BPIFC: variants seen among roughly 807,000 people sequenced by gnomAD.
BPIFC encodes the protein BPI fold containing family C.
BPIFC carries 60 observed loss-of-function variants against 57.6 expected under a neutral mutation model. The ratio of observed to expected loss-of-function variants is 1.04; its 90% CI spans 0.85 to 1.29. BPIFC has a LOEUF of 1.29. BPIFC is among the 50% of genes most tolerant of loss of function. The pLI is 0.00. For synonymous variants in BPIFC, 243 were observed against 224.5 expected (o/e 1.08, Z -0.74); for missense variants, 581 against 600.5 (o/e 0.97, Z 0.34).
chr22:32,424,522 T>C, intron 13 of BPIFC, among the ~76,000 whole-genome samples: 1 of 148,354 alleles, frequency 6.7e-6, no homozygotes, highest in Non-Finnish European at 1.5e-5. Context: ...GGTTTCCTCT[T>C]CCAGGCAAGG....
chr22:32,441,799 G>A (rs927709666), intron 8 of BPIFC, among the ~76,000 whole-genome samples: 1 of 152,152 alleles, frequency 6.6e-6, no homozygotes, highest in African/African-American at 2.4e-5. Context: ...TAGCACCAGG[G>A]ACCAGTTTAA....
intron 1 of BPIFC, among the ~76,000 whole-genome samples, chr22:32,462,558 C>G (rs1935189467): frequency 6.6e-6 from 1 of 151,796 alleles, no homozygotes; most frequent in Admixed American, 6.6e-5. Context: ...ATTTCTTTAC[C>G]CTTTACAAAA....
chr22:32,452,045 T>C (rs989310975), intron 4 of BPIFC, among the ~76,000 whole-genome samples: 18 of 152,036 alleles, frequency 1.2e-4, no homozygotes, highest in Admixed American at 7.2e-4. Context: ...GGACTACAGG[T>C]GTGCACCATC....
At chr22:32,424,729 CTCTTCTTCT>C (rs1369975739) in intron 13 of BPIFC, among the ~76,000 whole-genome samples, 36 of 48,222 alleles carry the variant, frequency 7.5e-4, no homozygotes, top group Non-Finnish European at 9.1e-4. Context: ...CTTCTTCTTC[CTCTTCTTCT>C]TCCTCTTCTT....
Position 32,447,338 on chromosome 22 carries a change from A to G in BPIFC, c.248T>C (p.Ile83Thr), listed in dbSNP as rs1267429432. ...TGGAAATGAAAAGGCACTGATTTTT[A>G]TACTGTAAAACCAGAAACAAGAAGT... ...VDYVNYNFSN[I>T]KISAFSFPNT... is the part of the protein sequence containing the mutation. Residue 83 changes from isoleucine (I) to threonine (T), a missense_variant and splice_region_variant, in exon 5 of 17, where the codon ATA becomes ACA. Ile to Thr is a moderately conservative substitution (Grantham distance 89, BLOSUM62 -1). Transcript: ENST00000300399. 6.2e-7 allele frequency: 1 copy of G among 1,612,262 alleles called. No homozygotes were observed.
rs140702095 is a variant in BPIFC, at chr22:32,458,588, G to C, written c.1-1202C>G. Among the ~76,000 whole-genome samples the C allele has an allele frequency of 3.8e-3, 575 of 152,304 alleles. 2 individuals are homozygous for C. Among genetic ancestry groups the C allele is most frequent in the African/African-American group, 0.013 (544 of 41,574 alleles). On this transcript the variant is annotated intron_variant, in intron 2 of 16. Transcript: ENST00000300399. Reference sequence around the variant, plus strand: ...CTTCATCACTTCAGCACCTTGAATAGTGACTGGCACACAGCAGGCATTAGG... The same window carrying C: ...CTTCATCACTTCAGCACCTTGAATACTGACTGGCACACAGCAGGCATTAGG...
rs61507713 is a variant in BPIFC, at chr22:32,445,713, GAAAAAAAAA to G, written c.531-24_531-16del. 1.5e-5 allele frequency: 11 copies of G among 711,300 alleles called. No individual in the cohort carries two copies. The highest frequency in any genetic ancestry group is 5.1e-5 in the Admixed American group (1 of 19,652). The allele number at this position is 711,300 out of a possible 1,614,324, so 44.1% of individuals were successfully genotyped here. ...TATACAGAACACTGAGGAAAAAAAT[GAAAAAAAAA>G]AAAAAAAAAAAAAGAGGTTACTCAG... On this transcript the variant is annotated splice_polypyrimidine_tract_variant and intron_variant, in intron 6 of 16. Coordinates refer to ENST00000300399, the MANE Select transcript of BPIFC (RefSeq NM_174932.3).
chr22:32,446,935 C>T (rs566150843), intron 5 of BPIFC: 115 of 498,198 alleles, frequency 2.3e-4, no homozygotes, highest in Non-Finnish European at 2.7e-4. Context: ...GTTGAGCATG[C>T]ATCTGTTTCT....
At chr22:32,431,657 T>G (rs1209879412) in intron 12 of BPIFC, among the ~76,000 whole-genome samples, 1 of 152,082 alleles carries the variant, frequency 6.6e-6, no homozygotes. Flanking sequence ...TAATCGCTCT[T>G]CTTTATGTAT....
intron 2 of BPIFC, among the ~76,000 whole-genome samples, chr22:32,458,304 C>T (rs1227420023): frequency 6.6e-6 from 1 of 152,180 alleles, no homozygotes; most frequent in Non-Finnish European, 1.5e-5. Context: ...TTTGTATTTG[C>T]TGTTTCCTCT....
rs1290948843 is a variant in BPIFC, at chr22:32,432,516, G to GC, written c.1005dup (p.Pro336AlafsTer41). 4 of 1,614,128 alleles carry GC rather than the reference G, an allele frequency of 2.5e-6. No individual in the cohort carries two copies. The highest frequency in any genetic ancestry group is 3.4e-6 in the Non-Finnish European group (4 of 1,180,020). On this transcript the variant is annotated frameshift_variant, in exon 12 of 17. Transcript: ENST00000300399. LOFTEE classifies it high-confidence loss of function. ...GTGGCCATGATCCTCACCATGAAGG[G>GC]CTGGGACAAGATGTAGATCTCTGCA...
At position 32,456,837 on chromosome 22, in the gene BPIFC, T is replaced by A. The variant is rs34088079; in HGVS notation, c.124+426A>T. On this transcript the variant is annotated intron_variant, in intron 3 of 16. Transcript: ENST00000300399. ...CACATCCAATAAATATGAAGGAGCC[T>A]CTCCTCAGAAAAATGCAGTCACCCA... Among the ~76,000 whole-genome samples the A allele has an allele frequency of 1.6e-3, 239 of 152,194 alleles. 2 individuals carry two copies. Among genetic ancestry groups the A allele is most frequent in the African/African-American group, 5.5e-3 (227 of 41,538 alleles).
chr22:32,415,814 A>T, intron 16 of BPIFC, 101 bp downstream of exon 16: 1 of 773,898 alleles, frequency 1.3e-6, no homozygotes, highest in Non-Finnish European at 1.9e-6. Context: ...GCAAAGCAGG[A>T]CAAAAACAAA....
chr22:32,448,584 A>T (rs1043685845), intron 4 of BPIFC, among the ~76,000 whole-genome samples: 47 of 152,160 alleles, frequency 3.1e-4, no homozygotes, highest in Non-Finnish European at 1.2e-4. Flanking sequence ...TCAAAAGGGT[A>T]ACTAGGAGGC....
In BPIFC at chr22:32,432,465, G is replaced by C. The variant is rs778814237; in HGVS notation, c.1057C>G (p.Pro353Ala). ...GGGATGTCCAGGGTGAAATTGCCTGGTTGTAGATTGATTATGGGAGGCTCT... is the reference window on the plus strand; with the variant it reads ...GGGATGTCCAGGGTGAAATTGCCTGCTTGTAGATTGATTATGGGAGGCTCT... The part of the protein sequence containing the change: ...ATEPPIINLQ[P>A]GNFTLDIPAS... The change falls in exon 12 of 17, where the codon CCA becomes GCA. Residue 353 changes from proline (P) to alanine (A), a missense_variant. Coordinates refer to ENST00000300399, the MANE Select transcript of BPIFC (RefSeq NM_174932.3). 4 of 1,614,066 alleles carry C rather than the reference G, an allele frequency of 2.5e-6. No homozygotes were observed. The South Asian group carries it at 4.4e-5, about 18-fold the overall frequency.
rs1332865163 is a variant in BPIFC, at chr22:32,442,723, G to C, written c.603C>G (p.Pro201=). Residue 201 remains proline (P), a synonymous_variant, in exon 8 of 17, where the codon CCC becomes CCG. Transcript: ENST00000300399. Reference sequence around the variant, plus strand: ...GCGCTTTGACTTCACTTGCAATAATGGGACAGAGCTGGCCACAAAGGAATA... The same window carrying C: ...GCGCTTTGACTTCACTTGCAATAATCGGACAGAGCTGGCCACAAAGGAATA... ...ILKNLNEMLC[P]IIASEVKALN... 6.2e-7 allele frequency: 1 copy of C among 1,613,728 alleles called. No homozygotes were observed. The highest frequency in any genetic ancestry group is 8.5e-7 in the Non-Finnish European group (1 of 1,179,894).
chr22:32,432,425 A>G lies in BPIFC; in HGVS notation c.1097T>C (p.Met366Thr), dbSNP rs144222119. Residue 366 changes from methionine to threonine, a missense_variant, in exon 12 of 17, where the codon ATG (methionine) becomes ACG (threonine). By Grantham distance (81) the Met-to-Thr change is moderately conservative. Coordinates refer to ENST00000300399, the MANE Select transcript of BPIFC (RefSeq NM_174932.3). Reference sequence around the variant, plus strand: ...TGTGGAGTTCTTGGGTTGGGTGAGCATCATGATGGAGGCAGGGATGTCCAG... The same window carrying G: ...TGTGGAGTTCTTGGGTTGGGTGAGCGTCATGATGGAGGCAGGGATGTCCAG... ...FTLDIPASIM[M>T]LTQPKNSTVE... 2.5e-6 allele frequency: 4 copies of G among 1,614,012 alleles called. No individual in the cohort carries two copies. Among genetic ancestry groups the G allele is most frequent in the Admixed American group, 1.7e-5 (1 of 59,992 alleles).
intron 3 of BPIFC, 49 bp downstream of exon 3, chr22:32,457,214 A>G: frequency 1.9e-6 from 3 of 1,562,018 alleles, no homozygotes; most frequent in South Asian, 2.5e-5. Context: ...TGGGTCACAG[A>G]CCCCACCTAG....
rs576618725 is a variant in BPIFC at position 32,419,541 on chromosome 22, C to T, written c.1218-137G>A. ...ACACAAGGCTGGGCATGGTGGCCCA[C>T]GCCTGTAATCCCAGCATTTTGGGAG... On this transcript the variant is annotated intron_variant, in intron 13 of 16. Transcript: ENST00000300399. The T allele has an allele frequency of 1.0e-4, 86 of 825,332 alleles. No individual in the cohort carries two copies. The African/African-American group carries it at 1.1e-3, about 11-fold the overall frequency. The allele number at this position is 825,332 out of a possible 1,614,324, so 51.1% of individuals were successfully genotyped here. A position where few individuals can be genotyped will look rare whatever the true frequency, so the allele number is the denominator to read the frequency against.
Sources: gnomAD v4.1 joint callset for allele counts (sites outside exome capture counted in the v4.1 genomes callset) on GRCh38, gnomAD v4.1.1 for gene constraint, MANE v1.5 for transcripts, NCBI Gene and HGNC (gene_info 2026-07-23, HGNC 2026-07-21) for gene names.